Variants in PARPBP observed in about 807,000 individuals in gnomAD.
PARPBP encodes the protein PARP1 binding protein.
PARPBP carries 52 observed loss-of-function variants against 50.0 expected under a neutral mutation model. The ratio of observed to expected loss-of-function variants is 1.04; its 90% CI spans 0.83 to 1.31. The LOEUF (loss-of-function observed/expected upper bound fraction) is 1.31. PARPBP is among the 50% of genes most tolerant of loss of function. The pLI is 0.00. For missense variants in PARPBP, 697 were observed against 672.0 expected (o/e 1.04, Z -0.41); for synonymous variants, 244 against 232.1 (o/e 1.05, Z -0.47).
At chr12:102,190,140 T>A (rs1455913364) in intron 9 of PARPBP, among the ~76,000 whole-genome samples, 1 of 152,170 alleles carries the variant, frequency 6.6e-6, no homozygotes, top group South Asian at 2.1e-4. Flanking sequence ...CATGTGGTAT[T>A]TTGATACAAG....
intron 9 of PARPBP, among the ~76,000 whole-genome samples, chr12:102,185,097 A>G (rs552245797): frequency 6.6e-5 from 10 of 152,298 alleles, no homozygotes; most frequent in African/African-American, 2.4e-4. Context: ...ATAGAAATAG[A>G]TGCTCCTGCG....
chr12:102,153,282 A>G (rs1886455460), intron 3 of PARPBP, among the ~76,000 whole-genome samples: 1 of 152,060 alleles, frequency 6.6e-6, no homozygotes. Context: ...CCCCTAACCT[A>G]TGAGTTTTGG....
At chr12:102,175,877 A>T (rs1349205225) in intron 7 of PARPBP, among the ~76,000 whole-genome samples, 1 of 152,110 alleles carries the variant, frequency 6.6e-6, no homozygotes, top group African/African-American at 2.4e-5. Flanking sequence ...AAATTTCTGA[A>T]TTTGTTAAAG....
At chr12:102,137,753 C>G (rs143942979) in intron 2 of PARPBP, among the ~76,000 whole-genome samples, 1 of 151,742 alleles carries the variant, frequency 6.6e-6, no homozygotes, top group Non-Finnish European at 1.5e-5. Context: ...GATCATGCAG[C>G]GTTTGGTTTT....
At chr12:102,163,748 CTTATTGT>C (rs1287504346) in intron 4 of PARPBP, among the ~76,000 whole-genome samples, 4 of 152,134 alleles carry the variant, frequency 2.6e-5, no homozygotes, top group African/African-American at 9.7e-5. Context: ...TTTTGTTTTA[CTTATTGT>C]ACTTTTCATT....
intron 2 of PARPBP, among the ~76,000 whole-genome samples, chr12:102,135,470 G>A (rs1413493726): frequency 6.6e-6 from 1 of 150,856 alleles, no homozygotes; most frequent in Non-Finnish European, 1.5e-5. Context: ...GTGTGAACCC[G>A]GGAGGCAGAG....
chr12:102,178,707 A>G lies in PARPBP; in HGVS notation c.1121A>G (p.Glu374Gly). The G allele has an allele frequency of 6.2e-7, 1 of 1,613,554 alleles. No individual in the cohort carries two copies. The highest frequency in any genetic ancestry group is 8.5e-7 in the Non-Finnish European group (1 of 1,179,686). ...AANAPTKNKA[E>G]LLYDEENTIH... ...AATGCTCCTACCAAAAACAAAGCAG[A>G]GCTTTTATATGATGAGGAAAACACA... The change falls in exon 8 of 11, where the codon GAG becomes GGG. Residue 374 changes from glutamate (E) to glycine (G), a missense_variant. Coordinates refer to ENST00000327680, the MANE Select transcript of PARPBP (RefSeq NM_017915.5).
chr12:102,142,157 C>T (rs1173340926), intron 2 of PARPBP, among the ~76,000 whole-genome samples: 1 of 152,090 alleles, frequency 6.6e-6, no homozygotes, highest in Non-Finnish European at 1.5e-5. Flanking sequence ...TCATATAGTC[C>T]CATATTTCTT....
chr12:102,143,707 A>G (rs543346340), intron 2 of PARPBP, among the ~76,000 whole-genome samples: 1 of 152,140 alleles, frequency 6.6e-6, no homozygotes, highest in South Asian at 2.1e-4. Flanking sequence ...GGCAACTAAT[A>G]TTTTGGCTTT....
intron 6 of PARPBP, among the ~76,000 whole-genome samples, chr12:102,174,305 T>G (rs934556444): frequency 2.0e-5 from 3 of 152,116 alleles, no homozygotes; most frequent in Non-Finnish European, 1.5e-5. Flanking sequence ...AGTCTGATGA[T>G]TAGGAAAATG....
chr12:102,132,552 CATAGTTTTGTAGT>C (rs1432054380), intron 2 of PARPBP, among the ~76,000 whole-genome samples: 1 of 152,042 alleles, frequency 6.6e-6, no homozygotes, highest in Non-Finnish European at 1.5e-5. Flanking sequence ...TTTGGATTAC[CATAGTTTTGTAGT>C]ATAGTTTGAA....
At chr12:102,181,484 G>A (rs1889819358) in intron 8 of PARPBP, among the ~76,000 whole-genome samples, 1 of 152,168 alleles carries the variant, frequency 6.6e-6, no homozygotes, top group Non-Finnish European at 1.5e-5. Flanking sequence ...GTATGTTATT[G>A]TACTAAATAG....
intron 6 of PARPBP, among the ~76,000 whole-genome samples, chr12:102,171,458 A>G (rs1888720488): frequency 6.6e-6 from 1 of 152,116 alleles, no homozygotes; most frequent in African/African-American, 2.4e-5. Flanking sequence ...GCTGACTGTA[A>G]TGTTATTATA....
intron 2 of PARPBP, among the ~76,000 whole-genome samples, chr12:102,125,957 C>T (rs1420011678): frequency 6.6e-6 from 1 of 152,096 alleles, no homozygotes; most frequent in Non-Finnish European, 1.5e-5. Flanking sequence ...GATTATTCTC[C>T]CCTACCTCAA....
At chr12:102,161,262 C>T (rs897063175) in intron 4 of PARPBP, among the ~76,000 whole-genome samples, 7 of 151,876 alleles carry the variant, frequency 4.6e-5, no homozygotes, top group African/African-American at 7.3e-5. Flanking sequence ...TGTGCCACCA[C>T]GTCCAGCTAA....
intron 9 of PARPBP, among the ~76,000 whole-genome samples, chr12:102,192,376 C>T (rs1000390572): frequency 2.6e-5 from 4 of 151,876 alleles, no homozygotes; most frequent in African/African-American, 9.7e-5. Context: ...AATGGTTTCC[C>T]CAAAGTTATC....
chr12:102,139,004 G>GT lies in PARPBP; in HGVS notation c.154-9220dup, dbSNP rs1194012439. Among the ~76,000 whole-genome samples the GT allele has an allele frequency of 5.9e-5, 9 of 152,182 alleles. No individual in the cohort carries two copies. In the East Asian group the frequency reaches 1.5e-3, roughly 26 times the overall value. On this transcript the variant is annotated intron_variant, in intron 2 of 10. Coordinates refer to ENST00000327680, the MANE Select transcript of PARPBP (RefSeq NM_017915.5). The stretch of plus-strand genomic sequence containing the variant: ...TTGGTTCCATATGAATTTTAAAGTA[G>GT]TTTTTTCCAATTCTGTGAAGAAAGT...
intron 8 of PARPBP, among the ~76,000 whole-genome samples, chr12:102,180,151 C>A (rs1889687931): frequency 6.6e-6 from 1 of 152,096 alleles, no homozygotes; most frequent in Non-Finnish European, 1.5e-5. Context: ...TTAGAATGCC[C>A]AAATATTTTA....
chr12:102,151,847 C>T (rs1309811240), intron 3 of PARPBP: 4 of 1,359,962 alleles, frequency 2.9e-6, no homozygotes, highest in African/African-American at 2.9e-5. Context: ...GAAGAAGCCA[C>T]CTGGCACCAA....
Sources: allele counts gnomAD v4.1 joint callset (sites outside exome capture counted in the v4.1 genomes callset), GRCh38; gene constraint gnomAD v4.1.1; transcripts MANE v1.5; gene names NCBI Gene and HGNC (gene_info 2026-07-23, HGNC 2026-07-21).